FAM184A: variants seen among roughly 807,000 people sequenced by gnomAD.
FAM184A encodes the protein protein FAM184A.
In FAM184A, 99 loss-of-function variants were observed where a neutral mutation model predicts 143.8. That is an observed-to-expected ratio of 0.69 (90% CI 0.58 to 0.81). The LOEUF is 0.81. FAM184A is among the 40% of genes least tolerant of loss of function. FAM184A has a pLI of 0.00. For missense variants in FAM184A, 1,217 were observed against 1,310.5 expected (o/e 0.93, Z 1.10); for synonymous variants, 427 against 446.4 (o/e 0.96, Z 0.55).
At chr6:119,010,185 T>A (rs1462481778) in intron 6 of FAM184A, among the ~76,000 whole-genome samples, 1 of 152,210 alleles carries the variant, frequency 6.6e-6, no homozygotes, top group African/African-American at 2.4e-5. Context: ...ATACTTCTTC[T>A]ACTATAAACA....
At chr6:119,085,402 T>C (rs1211922746) in intron 1 of FAM184A, among the ~76,000 whole-genome samples, 5 of 152,236 alleles carry the variant, frequency 3.3e-5, no homozygotes, top group Non-Finnish European at 5.9e-5. Context: ...TGCTAAGGCA[T>C]AACAAAAGTG....
chr6:119,011,684 T>A (rs1344943735), intron 5 of FAM184A, among the ~76,000 whole-genome samples: 5 of 152,146 alleles, frequency 3.3e-5, no homozygotes, highest in African/African-American at 1.2e-4. Flanking sequence ...CAAGCTGAAG[T>A]CCAAAAACAG....
At chr6:119,092,266 T>C (rs759959215) in intron 1 of FAM184A, among the ~76,000 whole-genome samples, 1 of 152,166 alleles carries the variant, frequency 6.6e-6, no homozygotes, top group Non-Finnish European at 1.5e-5. Flanking sequence ...GCCTTCCAAG[T>C]TGCTGGGACT....
intron 1 of FAM184A, among the ~76,000 whole-genome samples, chr6:119,132,363 C>T (rs1478762844): frequency 6.6e-6 from 1 of 152,196 alleles, no homozygotes; most frequent in African/African-American, 2.4e-5. Flanking sequence ...AGCTGGTTGG[C>T]AGCAAATCGT....
At chr6:119,093,127 A>G (rs987574989) in intron 1 of FAM184A, among the ~76,000 whole-genome samples, 2 of 152,278 alleles carry the variant, frequency 1.3e-5, no homozygotes, top group East Asian at 1.9e-4. Context: ...GTGAACCCCA[A>G]TTCATAGAGG....
rs143905110 is a variant in FAM184A at position 118,992,410 on chromosome 6, T to C, written c.2088+10489A>G. Among the ~76,000 whole-genome samples the C allele has an allele frequency of 5.9e-5, 9 of 152,288 alleles. No homozygotes were observed. The East Asian group carries it at 1.5e-3, about 26-fold the overall frequency. On this transcript the variant is annotated intron_variant, in intron 9 of 17. Transcript: ENST00000338891. Reference sequence around the variant, plus strand: ...AGCCTAACCTCCAGTGTGAGGATAATAGCAAGTGCAGCCTTTGGTAGGTGA... The same window carrying C: ...AGCCTAACCTCCAGTGTGAGGATAACAGCAAGTGCAGCCTTTGGTAGGTGA...
At chr6:119,062,097 G>T (rs554524828) in intron 1 of FAM184A, among the ~76,000 whole-genome samples, 34 of 152,084 alleles carry the variant, frequency 2.2e-4, no homozygotes, top group Non-Finnish European at 5.0e-4. Context: ...TTTTACACAG[G>T]ATTACAAATA....
intron 1 of FAM184A, among the ~76,000 whole-genome samples, chr6:119,039,179 A>G (rs1786225312): frequency 6.6e-6 from 1 of 152,246 alleles, no homozygotes; most frequent in Non-Finnish European, 1.5e-5. Context: ...ATGGAGCAGC[A>G]AGAACTCTCA....
chr6:119,102,261 T>C (rs1788657109), intron 1 of FAM184A, among the ~76,000 whole-genome samples: 2 of 152,108 alleles, frequency 1.3e-5, no homozygotes, highest in South Asian at 4.1e-4. Flanking sequence ...ATGTAAGATA[T>C]TGGCCCTTTA....
At chr6:119,094,052 CTTCT>C (rs1264434810) in intron 1 of FAM184A, among the ~76,000 whole-genome samples, 40 of 137,454 alleles carry the variant, frequency 2.9e-4, no homozygotes, top group South Asian at 1.4e-3. Flanking sequence ...TCCTTCCTTC[CTTCT>C]TTCCTTTCTT....
intron 4 of FAM184A, among the ~76,000 whole-genome samples, chr6:119,018,555 T>C (rs1785341602): frequency 6.6e-6 from 1 of 152,096 alleles, no homozygotes; most frequent in Non-Finnish European, 1.5e-5. Flanking sequence ...AATAAAATAA[T>C]GAGATGGGGT....
At chr6:119,124,627 G>T (rs1170354042) in intron 1 of FAM184A, among the ~76,000 whole-genome samples, 1 of 152,046 alleles carries the variant, frequency 6.6e-6, no homozygotes, top group Non-Finnish European at 1.5e-5. Flanking sequence ...ATGATAATGG[G>T]TATAATAAGG....
In FAM184A at chr6:118,989,632, A is replaced by T. The variant is rs917997255; in HGVS notation, c.2089-9282T>A. Among the ~76,000 whole-genome samples the T allele has an allele frequency of 9.2e-5, 11 of 120,116 alleles. No homozygotes were observed. The East Asian group carries it at 2.1e-3, about 23-fold the overall frequency. 78.8% of individuals were successfully genotyped at this position (120,116 alleles called of 152,430 possible). On this transcript the variant is annotated intron_variant, in intron 9 of 17. Coordinates refer to ENST00000338891, the MANE Select transcript of FAM184A (RefSeq NM_024581.6). ...ATTAATTTTCTATGTTGACTTCATA[A>T]CTTCTCAATCTCAACTTTCTCATGC...
At chr6:119,082,662 A>G (rs1582599881), upstream of FAM184A, among the ~76,000 whole-genome samples, 1 of 152,364 alleles carries the variant, frequency 6.6e-6, no homozygotes, top group Middle Eastern at 3.4e-3. Context: ...TCTCACATCC[A>G]GGACATGCTG....
intron 1 of FAM184A, among the ~76,000 whole-genome samples, chr6:119,032,194 C>T (rs2114708548): frequency 6.6e-6 from 1 of 152,020 alleles, no homozygotes; most frequent in East Asian, 1.9e-4. Flanking sequence ...ATTGCTTGAA[C>T]CTGAGAGGCG....
intron 14 of FAM184A, among the ~76,000 whole-genome samples, chr6:118,971,147 T>C (rs1224166038): frequency 1.3e-5 from 2 of 152,202 alleles, no homozygotes; most frequent in African/African-American, 4.8e-5. Flanking sequence ...ACCTTTCTTT[T>C]CCCATAAATT....
At chr6:118,970,255 C>T (rs794605) in intron 14 of FAM184A, among the ~76,000 whole-genome samples, 44,941 of 150,610 alleles carry the variant, frequency 0.3, 7,995 homozygotes, top group African/African-American at 0.5. Context: ...CCGCCTGCCT[C>T]GGCCTCCCAG....
At chr6:119,128,222 G>C (rs1364440631) in intron 1 of FAM184A, among the ~76,000 whole-genome samples, 1 of 152,190 alleles carries the variant, frequency 6.6e-6, no homozygotes, top group African/African-American at 2.4e-5. Context: ...AGAATTGGTG[G>C]GAAGAAAAGC....
intron 6 of FAM184A, 149 bp downstream of exon 6, chr6:119,011,160 G>C: frequency 1.6e-6 from 1 of 620,480 alleles, no homozygotes; most frequent in Non-Finnish European, 2.6e-6. Flanking sequence ...AGAGTGTCAT[G>C]AAAAATTCAA....
Sources: allele counts gnomAD v4.1 joint callset (sites outside exome capture counted in the v4.1 genomes callset), GRCh38; gene constraint gnomAD v4.1.1; transcripts MANE v1.5; gene names NCBI Gene and HGNC (gene_info 2026-07-23, HGNC 2026-07-21).